Variants in LRIF1 observed in about 807,000 individuals in gnomAD.
The protein encoded by LRIF1 is ligand-dependent nuclear receptor-interacting factor 1.
Under a neutral mutation model 52.7 loss-of-function variants are expected in LRIF1, and 32 were observed. The ratio of observed to expected loss-of-function variants is 0.61; its 90% CI spans 0.46 to 0.82. The LOEUF is 0.82. Ranked by LOEUF, LRIF1 falls within the 40% of genes least tolerant of loss-of-function variation. The pLI, the probability that LRIF1 is intolerant of heterozygous loss-of-function variation, is 0.00. For missense variants in LRIF1, 887 were observed against 892.0 expected, an observed-to-expected ratio of 0.99 and a Z score of 0.07; for synonymous variants, 323 against 317.4, an observed-to-expected ratio of 1.02 and a Z score of -0.19.
chr1:110,932,703 T>C, the LRIF1 span, among the ~76,000 whole-genome samples: 3 of 152,216 alleles, frequency 2.0e-5, no homozygotes, highest in Non-Finnish European at 4.4e-5. Context: ...TATCTTTCTG[T>C]TTATATTTAA....
chr1:110,876,552 C>T, the LRIF1 span, among the ~76,000 whole-genome samples: 3 of 151,956 alleles, frequency 2.0e-5, no homozygotes, highest in Non-Finnish European at 4.4e-5. Context: ...GATTTTAATG[C>T]CTCATATCTT....
the LRIF1 span, among the ~76,000 whole-genome samples, chr1:110,890,893 G>A: frequency 6.6e-5 from 10 of 152,350 alleles, no homozygotes; most frequent in African/African-American, 1.7e-4. Flanking sequence ...TAAATGAGGC[G>A]TGGATATGTT....
At position 110,952,827 on chromosome 1, in the gene LRIF1, AT is replaced by A. The variant is rs1658542047; in HGVS notation, c.69-13del. On this transcript the variant is annotated splice_polypyrimidine_tract_variant and intron_variant, in intron 1 of 3. Transcript: ENST00000369763. ...TGCAGCCTGAAACACTTAAAAGAAC[AT>A]TGAGTAAATAAATACAACATACTAC... 1 of 1,531,796 alleles carries A rather than the reference AT, an allele frequency of 6.5e-7. No individual in the cohort carries two copies. 94.9% of individuals were successfully genotyped at this position (1,531,796 alleles called of 1,614,324 possible).
chr1:110,901,477 C>CTTT, the LRIF1 span, among the ~76,000 whole-genome samples: 20,467 of 115,700 alleles, frequency 0.18, 3,099 homozygotes, highest in South Asian at 0.24. Flanking sequence ...CGCACCCGGC[C>CTTT]TTTTTTTTTT....
intron 1 of LRIF1, among the ~76,000 whole-genome samples, chr1:110,961,839 C>T (rs1275244911): frequency 6.6e-6 from 1 of 151,944 alleles, no homozygotes; most frequent in Admixed American, 6.6e-5. Context: ...AAATACGCAA[C>T]CATTAACCAA....
chr1:110,917,528 A>C, the LRIF1 span, among the ~76,000 whole-genome samples: 54 of 152,258 alleles, frequency 3.5e-4, no homozygotes, highest in African/African-American at 1.3e-3. Flanking sequence ...CAACTCATTT[A>C]TTTAAAATAT....
chr1:110,957,274 A>T (rs1381348826), intron 1 of LRIF1, among the ~76,000 whole-genome samples: 1 of 143,350 alleles, frequency 7.0e-6, no homozygotes, highest in African/African-American at 2.7e-5. Context: ...TGGCTAACAC[A>T]GTGAAACCCC....
At chr1:110,962,096 A>AC (rs1553212108) in intron 1 of LRIF1, among the ~76,000 whole-genome samples, 8 of 151,444 alleles carry the variant, frequency 5.3e-5, no homozygotes, top group East Asian at 1.9e-4. Flanking sequence ...ACACACACAC[A>AC]AAGTAAAGTT....
chr1:110,877,036 A>G, the LRIF1 span, among the ~76,000 whole-genome samples: 1 of 152,180 alleles, frequency 6.6e-6, no homozygotes, highest in Admixed American at 6.5e-5. Flanking sequence ...TATGCAATAT[A>G]ATTAACAATC....
At chr1:110,923,397 A>C in the LRIF1 span, among the ~76,000 whole-genome samples, 2 of 152,326 alleles carry the variant, frequency 1.3e-5, no homozygotes, top group African/African-American at 2.4e-5. Flanking sequence ...TTGGACATCA[A>C]CATCTTTGGG....
the LRIF1 span, among the ~76,000 whole-genome samples, chr1:110,928,001 T>C: frequency 6.6e-6 from 1 of 152,260 alleles, no homozygotes; most frequent in South Asian, 2.1e-4. Flanking sequence ...TTGATCTACG[T>C]TTTTTCCCTC....
chr1:110,915,281 C>T, the LRIF1 span, among the ~76,000 whole-genome samples: 1 of 150,366 alleles, frequency 6.7e-6, no homozygotes. Context: ...GTCAGGAGAT[C>T]GAGACCATCC....
chr1:110,932,663 A>G, the LRIF1 span, among the ~76,000 whole-genome samples: 5 of 152,026 alleles, frequency 3.3e-5, no homozygotes, highest in African/African-American at 7.2e-5. Flanking sequence ...TTTTGTTGGT[A>G]TCTGCTAGGT....
At chr1:110,878,995 A>C in the LRIF1 span, among the ~76,000 whole-genome samples, 15 of 152,126 alleles carry the variant, frequency 9.9e-5, no homozygotes, top group African/African-American at 3.6e-4. Context: ...TGGAAAAAAA[A>C]CATGTGCTTT....
the LRIF1 span, among the ~76,000 whole-genome samples, chr1:110,900,770 A>C: frequency 2.2e-4 from 34 of 152,178 alleles, no homozygotes; most frequent in African/African-American, 7.2e-4. Context: ...AAAAAACAAA[A>C]AAAAAAGGAG....
chr1:110,953,382 A>G (rs1025015137), intron 1 of LRIF1, among the ~76,000 whole-genome samples: 5 of 152,150 alleles, frequency 3.3e-5, no homozygotes, highest in African/African-American at 1.2e-4. Context: ...CATAGGAATC[A>G]TTTTCTTCTG....
chr1:110,891,393 G>T, the LRIF1 span: 1 of 1,606,936 alleles, frequency 6.2e-7, no homozygotes, highest in African/African-American at 1.3e-5. Flanking sequence ...ATTCCTTAGG[G>T]CAAGAATATC....
the LRIF1 span, among the ~76,000 whole-genome samples, chr1:110,911,003 A>T: frequency 1.3e-5 from 2 of 152,232 alleles, no homozygotes; most frequent in African/African-American, 4.8e-5. Flanking sequence ...AACCAAAATC[A>T]GAGCTGAGGT....
intron 1 of LRIF1, among the ~76,000 whole-genome samples, chr1:110,960,716 C>T (rs1339438135): frequency 6.6e-6 from 1 of 152,124 alleles, no homozygotes; most frequent in Non-Finnish European, 1.5e-5. Flanking sequence ...CATAATTGAT[C>T]CCCCTTTCTT....
Sources: gnomAD v4.1 joint callset for allele counts (sites outside exome capture counted in the v4.1 genomes callset) on GRCh38, gnomAD v4.1.1 for gene constraint, MANE v1.5 for transcripts, NCBI Gene and HGNC (gene_info 2026-07-23, HGNC 2026-07-21) for gene names.